KIF24: variants seen among roughly 807,000 people sequenced by gnomAD.
KIF24 encodes kinesin-like protein KIF24.
Under a neutral mutation model 118.9 loss-of-function variants are expected in KIF24, and 81 were observed. The observed-to-expected ratio is 0.68, with a 90% confidence interval of 0.57 to 0.82. The LOEUF (loss-of-function observed/expected upper bound fraction) is 0.82, where lower values mean the gene tolerates loss of function less well. KIF24 is among the 40% of genes least tolerant of loss of function. The pLI is 0.00. For missense variants in KIF24, 1,560 were observed against 1,661.6 expected (o/e 0.94, Z 1.06); for synonymous variants, 599 against 610.0 (o/e 0.98, Z 0.27).
At chr9:34,275,718 T>C (rs1167084867) in intron 6 of KIF24, among the ~76,000 whole-genome samples, 2 of 152,050 alleles carry the variant, frequency 1.3e-5, no homozygotes, top group African/African-American at 4.8e-5. Flanking sequence ...TGCACGCCTG[T>C]AGTCCCAGCT....
At chr9:34,311,540 A>G (rs2131814479) in intron 1 of KIF24, among the ~76,000 whole-genome samples, 169 bp from the exon 2 acceptor site, 1 of 152,176 alleles carries the variant, frequency 6.6e-6, no homozygotes, top group Admixed American at 6.5e-5. Flanking sequence ...TAAATAGCAT[A>G]GTGCATGAAC....
At chr9:34,285,161 T>C (rs1835990952) in intron 6 of KIF24, among the ~76,000 whole-genome samples, 1 of 152,178 alleles carries the variant, frequency 6.6e-6, no homozygotes, top group Non-Finnish European at 1.5e-5. Context: ...ATGATAAGTA[T>C]GACTTTTATT....
intron 3 of KIF24, among the ~76,000 whole-genome samples, chr9:34,303,422 A>G (rs973560777): frequency 1.3e-5 from 2 of 152,244 alleles, no homozygotes; most frequent in Non-Finnish European, 2.9e-5. Context: ...ATTATTAAAC[A>G]GATGCTTTTA....
chr9:34,257,462 C>T lies in KIF24; in HGVS notation c.2145G>A (p.Gln715=), dbSNP rs1303032101. The stretch of plus-strand genomic sequence containing the variant: ...AGGAGAGCTCAACTCGAGACACAAG[C>T]TGCTTCTGTACTGGCTGCACTGTCT... The part of the protein sequence containing the change: ...KVQTVQPVQK[Q]LVSRVELSFG... The change falls in exon 11 of 13, where the codon CAG becomes CAA. Residue 715 remains glutamine (Q), a synonymous_variant. Coordinates refer to ENST00000402558, the MANE Select transcript of KIF24 (RefSeq NM_194313.4). 2 of 1,614,068 alleles carry T rather than the reference C, an allele frequency of 1.2e-6. No homozygotes were observed. The highest frequency in any genetic ancestry group is 3.3e-5 in the Admixed American group (2 of 60,036).
intron 2 of KIF24, among the ~76,000 whole-genome samples, chr9:34,309,540 CAAAAAAAA>C (rs397960934): frequency 1.5e-5 from 1 of 65,246 alleles, no homozygotes; most frequent in Non-Finnish European, 3.1e-5. Flanking sequence ...GACTCCGTCT[CAAAAAAAA>C]AAAAAAAAAA....
chr9:34,326,042 C>G (rs763709244), intron 1 of KIF24, among the ~76,000 whole-genome samples: 3 of 152,062 alleles, frequency 2.0e-5, no homozygotes, highest in Non-Finnish European at 2.9e-5. Context: ...GTTTTATGCA[C>G]CAGGAATATA....
chr9:34,315,982 T>C (rs1209749881), intron 1 of KIF24, among the ~76,000 whole-genome samples: 1 of 151,262 alleles, frequency 6.6e-6, no homozygotes, highest in East Asian at 1.9e-4. Context: ...TGAGCTGAGA[T>C]TGTGCCATTG....
Position 34,254,114 on chromosome 9 carries a change from T to C in KIF24, c.*266A>G, listed in dbSNP as rs74507664. The C allele has an allele frequency of 1.8e-3, 641 of 356,500 alleles. 3 individuals carry two copies. Among genetic ancestry groups the C allele is most frequent in the African/African-American group, 0.013 (607 of 47,854 alleles). The allele number at this position is 356,500 out of a possible 1,614,324, so 22.1% of individuals were successfully genotyped here. A position where few individuals can be genotyped will look rare whatever the true frequency, so the allele number is the denominator to read the frequency against. Reference sequence around the variant, plus strand: ...CAAGGGGTTAGTTAATCATATTCTCTAGGCACAAGGGAAAGGCATTAGGTT... The same window carrying C: ...CAAGGGGTTAGTTAATCATATTCTCCAGGCACAAGGGAAAGGCATTAGGTT... On this transcript the variant is annotated 3_prime_UTR_variant, in exon 13 of 13. Transcript: ENST00000402558.
chr9:34,297,180 T>A, intron 3 of KIF24, 66 bp from the exon 4 acceptor site: 1 of 916,936 alleles, frequency 1.1e-6, no homozygotes, highest in Non-Finnish European at 1.7e-6. Context: ...CTATTCTAGT[T>A]AACAGATGAT....
intron 1 of KIF24, among the ~76,000 whole-genome samples, chr9:34,314,627 C>G (rs1837278277): frequency 6.6e-6 from 1 of 152,204 alleles, no homozygotes; most frequent in African/African-American, 2.4e-5. Context: ...TGATTTATAT[C>G]TATCAAAATT....
At chr9:34,296,685 C>A (rs2131773867) in intron 4 of KIF24, among the ~76,000 whole-genome samples, 1 of 152,016 alleles carries the variant, frequency 6.6e-6, no homozygotes, top group South Asian at 2.1e-4. Flanking sequence ...GAACCTTTTT[C>A]TTCTGAGGAC....
intron 1 of KIF24, among the ~76,000 whole-genome samples, chr9:34,313,080 A>G (rs1401629076): frequency 6.6e-6 from 1 of 152,138 alleles, no homozygotes; most frequent in Non-Finnish European, 1.5e-5. Context: ...AGTGAAGTCT[A>G]TTTCTTCCCT....
At position 34,280,108 on chromosome 9, in the gene KIF24, C is replaced by T. The variant is rs567476462; in HGVS notation, c.1215+6509G>A. Among the ~76,000 whole-genome samples, 597 of 151,194 alleles carry T rather than the reference C, an allele frequency of 3.9e-3. 7 individuals are homozygous for T. Among genetic ancestry groups the T allele is most frequent in the Admixed American group, 0.025 (373 of 15,176 alleles). On this transcript the variant is annotated intron_variant, in intron 6 of 12. Coordinates refer to ENST00000402558, the MANE Select transcript of KIF24 (RefSeq NM_194313.4). ...GACCATCCCGGCTAAAACGGTGAAACCCCGTCTCTACTAAAAATACAAAAA... is the reference window on the plus strand; with the variant it reads ...GACCATCCCGGCTAAAACGGTGAAATCCCGTCTCTACTAAAAATACAAAAA...
upstream of KIF24, among the ~76,000 whole-genome samples, chr9:34,332,500 C>T (rs1202958255): frequency 2.0e-5 from 3 of 152,176 alleles, no homozygotes; most frequent in Admixed American, 2.0e-4. Context: ...CACTGTCTGT[C>T]GCATGGGATA....
At chr9:34,317,111 G>C (rs566733890) in intron 1 of KIF24, among the ~76,000 whole-genome samples, 1 of 151,928 alleles carries the variant, frequency 6.6e-6, no homozygotes, top group Admixed American at 6.6e-5. Context: ...CCAGCTACTC[G>C]GGAGGCTGAG....
intron 1 of KIF24, among the ~76,000 whole-genome samples, chr9:34,313,750 TTG>T (rs1416035284): frequency 8.1e-5 from 12 of 147,936 alleles, no homozygotes; most frequent in East Asian, 5.9e-4. Context: ...TTTTTTTTTT[TTG>T]TTTTTTTTTT....
Position 34,310,919 on chromosome 9 carries a change from T to C in KIF24, c.428A>G (p.Asp143Gly). ...YLKVLEHMLP[D>G]DSQYHTKTGI... ...TGTTTTTGTATGGTACTGGGAATCA[T>C]CTGGTAGCATGTGTTCTAGCACTTT... Residue 143 changes from aspartate (D) to glycine (G), a missense_variant, in exon 2 of 13, where the codon GAT becomes GGT. Coordinates refer to ENST00000402558, the MANE Select transcript of KIF24 (RefSeq NM_194313.4). The C allele has an allele frequency of 6.2e-7, 1 of 1,613,724 alleles. No individual in the cohort carries two copies. Among genetic ancestry groups the C allele is most frequent in the Non-Finnish European group, 8.5e-7 (1 of 1,179,634 alleles).
rs1834639509 is a variant in KIF24 at position 34,252,667 on chromosome 9, C to T, written c.*1713G>A. 6.6e-6 allele frequency: 1 copy of T among 152,076 alleles called. No individual in the cohort carries two copies. Among genetic ancestry groups the T allele is most frequent in the African/African-American group, 2.4e-5 (1 of 41,266 alleles). 9.4% of individuals were successfully genotyped at this position (152,076 alleles called of 1,614,324 possible). A position where few individuals can be genotyped will look rare whatever the true frequency, so the allele number is the denominator to read the frequency against. ...TTTCTATTTCGGAGCTTTCTTCCCA[C>T]TTCAGACCTGTCCTCGTTTTTGGTT... On this transcript the variant is annotated 3_prime_UTR_variant, in exon 13 of 13. Transcript: ENST00000402558.
intron 6 of KIF24, among the ~76,000 whole-genome samples, chr9:34,280,516 T>C (rs540512793): frequency 7.8e-4 from 118 of 151,984 alleles, no homozygotes; most frequent in African/African-American, 2.7e-3. Flanking sequence ...TGGCTGGAGG[T>C]AGGGGCAAGA....
Sources: allele counts gnomAD v4.1 joint callset (sites outside exome capture counted in the v4.1 genomes callset), GRCh38; gene constraint gnomAD v4.1.1; transcripts MANE v1.5; gene names NCBI Gene and HGNC (gene_info 2026-07-23, HGNC 2026-07-21).